The following EPHA6 variants were observed in gnomAD, a reference collection of about 807,000 sequenced individuals.
The protein encoded by EPHA6 is ephrin type-A receptor 6.
A neutral mutation model predicts 112.0 loss-of-function variants in EPHA6; 50 were observed. The observed-to-expected ratio is 0.45, with a 90% CI of 0.36 to 0.56. The LOEUF (loss-of-function observed/expected upper bound fraction) is 0.56, where lower values mean the gene tolerates loss of function less well. Ranked by LOEUF, EPHA6 falls within the 20% of genes least tolerant of loss-of-function variation. The probability of loss-of-function intolerance (pLI) is 0.00; values close to 1 mark genes in which losing one functional copy is unlikely to be tolerated. For missense variants in EPHA6, 1,280 were observed against 1,417.4 expected, an observed-to-expected ratio of 0.90 and a Z score of 1.56; for synonymous variants, 529 against 490.7, an observed-to-expected ratio of 1.08 and a Z score of -1.03.
intron 3 of EPHA6, among the ~76,000 whole-genome samples, chr3:97,137,346 G>T (rs776543458): frequency 7.2e-5 from 11 of 152,180 alleles, no homozygotes; most frequent in Non-Finnish European, 1.6e-4. Flanking sequence ...CATAGATTTT[G>T]ATTTTACTTG....
chr3:96,863,680 CT>C lies in EPHA6; in HGVS notation c.386-3143del, dbSNP rs1428566132. ...TTTTACTTGTTTTGAAGTGAATATACTTCACAGTTTACAACTATGAATACTG... is the reference window on the plus strand; with the variant it reads ...TTTTACTTGTTTTGAAGTGAATATACTCACAGTTTACAACTATGAATACTG... On this transcript the variant is annotated intron_variant, in intron 1 of 17. Transcript: ENST00000389672. 3.9e-5 allele frequency among the ~76,000 whole-genome samples: 6 copies of C among 152,008 alleles called. No homozygotes were observed. In the East Asian group the frequency reaches 1.2e-3, roughly 29 times the overall value.
chr3:97,475,143 A>G (rs1463300450), intron 7 of EPHA6, among the ~76,000 whole-genome samples: 2 of 151,766 alleles, frequency 1.3e-5, no homozygotes, highest in African/African-American at 2.4e-5. Context: ...GGACAGGTTT[A>G]TGTTGTGGGT....
chr3:97,455,640 CTATT>C, intron 7 of EPHA6, among the ~76,000 whole-genome samples: 1 of 152,048 alleles, frequency 6.6e-6, no homozygotes, highest in East Asian at 1.9e-4. Context: ...TTTCAGAAGA[CTATT>C]TATAAATCTC....
At chr3:97,254,782 A>C (rs955064572) in intron 5 of EPHA6, among the ~76,000 whole-genome samples, 3 of 152,202 alleles carry the variant, frequency 2.0e-5, no homozygotes, top group Non-Finnish European at 2.9e-5. Context: ...TGACTCTTTT[A>C]AGATGGTCTT....
At chr3:97,342,694 CCTCTCT>C (rs149790718) in intron 5 of EPHA6, among the ~76,000 whole-genome samples, 1 of 149,718 alleles carries the variant, frequency 6.7e-6, no homozygotes, top group Admixed American at 6.7e-5. Context: ...GTCTCCTTGC[CCTCTCT>C]CTCTCTCTCT....
intron 11 of EPHA6, among the ~76,000 whole-genome samples, chr3:97,569,680 A>C (rs187263157): frequency 2.0e-4 from 30 of 152,362 alleles, no homozygotes; most frequent in Non-Finnish European, 4.3e-4. Context: ...ATGACAAAAG[A>C]TTAGAGGCAA....
Position 97,104,388 on chromosome 3 carries a change from A to T in EPHA6, c.1114+116395A>T, listed in dbSNP as rs139829279. ...TAATTTTATCAAAAGCCTTTTCTGC[A>T]TCTATTGAGATAATCATGTGGTTTT... On this transcript the variant is annotated intron_variant, in intron 3 of 17. Coordinates refer to ENST00000389672, the MANE Select transcript of EPHA6 (RefSeq NM_001080448.3). Among the ~76,000 whole-genome samples the T allele has an allele frequency of 6.2e-3, 950 of 152,218 alleles. 6 individuals are homozygous for T. The highest frequency in any genetic ancestry group is 0.022 in the African/African-American group (908 of 41,548).
In EPHA6 at chr3:96,987,424, G is replaced by C; in HGVS notation, c.545G>C (p.Arg182Pro). 6.2e-7 allele frequency: 1 copy of C among 1,613,834 alleles called. No individual in the cohort carries two copies. The highest frequency in any genetic ancestry group is 8.5e-7 in the Non-Finnish European group (1 of 1,179,856). The change falls in exon 3 of 18, where the codon CGT (arginine) becomes CCT (proline). Residue 182 changes from arginine (R) to proline (P), a missense_variant. By Grantham distance (103) the Arg-to-Pro change is moderately radical (BLOSUM62 -2). Coordinates refer to ENST00000389672, the MANE Select transcript of EPHA6 (RefSeq NM_001080448.3). The part of the protein sequence containing the change: ...VMEPNQNNWL[R>P]TNWISRDAAQ... The stretch of plus-strand genomic sequence containing the variant: ...GAACCAAACCAAAACAACTGGCTTC[G>C]TACAAACTGGATCTCCCGTGATGCA...
At chr3:97,159,798 T>C (rs2076371520) in intron 3 of EPHA6, among the ~76,000 whole-genome samples, 2 of 152,144 alleles carry the variant, frequency 1.3e-5, no homozygotes, top group South Asian at 2.1e-4. Context: ...TGTAGAACAC[T>C]ATGATGGTGG....
At chr3:96,880,271 A>G (rs745922435) in intron 2 of EPHA6, among the ~76,000 whole-genome samples, 8 of 152,114 alleles carry the variant, frequency 5.3e-5, no homozygotes, top group Non-Finnish European at 1.2e-4. Flanking sequence ...ATGTATAATT[A>G]TGTGTCAATT....
At chr3:97,647,079 G>C (rs1274227305) in intron 14 of EPHA6, among the ~76,000 whole-genome samples, 1 of 152,128 alleles carries the variant, frequency 6.6e-6, no homozygotes, top group East Asian at 1.9e-4. Context: ...TCCTAGGAGG[G>C]ACAGGTTTCA....
intron 15 of EPHA6, among the ~76,000 whole-genome samples, chr3:97,730,748 C>T (rs920425813): frequency 2.0e-5 from 3 of 152,108 alleles, no homozygotes; most frequent in Non-Finnish European, 4.4e-5. Flanking sequence ...TCTGAAAATT[C>T]AGCTTTCATA....
At chr3:97,196,053 C>T (rs1367533352) in intron 3 of EPHA6, among the ~76,000 whole-genome samples, 1 of 151,132 alleles carries the variant, frequency 6.6e-6, no homozygotes, top group Non-Finnish European at 1.5e-5. Context: ...TGTTAGTATC[C>T]CTTTAAATAA....
At chr3:96,832,145 G>T (rs1477512950) in intron 1 of EPHA6, among the ~76,000 whole-genome samples, 1 of 152,048 alleles carries the variant, frequency 6.6e-6, no homozygotes, top group Non-Finnish European at 1.5e-5. Flanking sequence ...CCAAAACTCA[G>T]CGTATATCTA....
intron 14 of EPHA6, among the ~76,000 whole-genome samples, chr3:97,638,867 A>G (rs1421779507): frequency 1.3e-5 from 2 of 152,172 alleles, no homozygotes; most frequent in African/African-American, 4.8e-5. Context: ...AATGAAAAAT[A>G]AGTTATTAAA....
chr3:97,693,193 G>A (rs2032785765), intron 14 of EPHA6, among the ~76,000 whole-genome samples: 1 of 152,164 alleles, frequency 6.6e-6, no homozygotes, highest in Non-Finnish European at 1.5e-5. Context: ...GAGATGCAGA[G>A]GGCCTGGCAG....
At chr3:97,228,604 C>T (rs367718521) in intron 4 of EPHA6, among the ~76,000 whole-genome samples, 19 of 149,784 alleles carry the variant, frequency 1.3e-4, no homozygotes, top group East Asian at 1.2e-3. Flanking sequence ...GTCACATTTT[C>T]TTTATCCACT....
intron 1 of EPHA6, among the ~76,000 whole-genome samples, chr3:96,826,848 T>G (rs2033694993): frequency 6.6e-6 from 1 of 152,114 alleles, no homozygotes; most frequent in South Asian, 2.1e-4. Context: ...CATTGGTCGG[T>G]AGGCAATTGT....
At chr3:96,879,336 A>G (rs772876187) in intron 2 of EPHA6, among the ~76,000 whole-genome samples, 1 of 152,136 alleles carries the variant, frequency 6.6e-6, no homozygotes, top group Non-Finnish European at 1.5e-5. Flanking sequence ...AATGTATAAC[A>G]TATCATTTTC....
Sources: gnomAD v4.1 joint callset for allele counts (sites outside exome capture counted in the v4.1 genomes callset) on GRCh38, gnomAD v4.1.1 for gene constraint, MANE v1.5 for transcripts, NCBI Gene and HGNC (gene_info 2026-07-23, HGNC 2026-07-21) for gene names.